Variants in ROBO2 observed in about 807,000 individuals in gnomAD.
ROBO2 encodes the protein roundabout homolog 2.
In ROBO2, 53 loss-of-function variants were observed where a neutral mutation model predicts 160.8. The observed-to-expected ratio is 0.33, with a 90% CI of 0.26 to 0.41. The LOEUF (loss-of-function observed/expected upper bound fraction) is 0.41. Ranked by LOEUF, ROBO2 falls within the 10% of genes least tolerant of loss-of-function variation. The pLI is 1.00. For synonymous variants in ROBO2, 664 were observed against 611.7 expected (o/e 1.09, Z -1.26); for missense variants, 1,577 against 1,722.4 (o/e 0.92, Z 1.49).
chr3:76,972,253 G>A (rs2059606363), intron 2 of ROBO2, among the ~76,000 whole-genome samples: 1 of 152,010 alleles, frequency 6.6e-6, no homozygotes, highest in South Asian at 2.1e-4. Flanking sequence ...AAAGGATTTT[G>A]TGTTTGGAAC....
intron 6 of ROBO2, among the ~76,000 whole-genome samples, chr3:77,529,155 A>G (rs749738838): frequency 3.3e-5 from 5 of 151,108 alleles, no homozygotes; most frequent in African/African-American, 7.3e-5. Context: ...AAGTGGAAAG[A>G]TTTATATATA....
At chr3:77,384,423 T>C (rs1490884164) in intron 2 of ROBO2, among the ~76,000 whole-genome samples, 2 of 152,176 alleles carry the variant, frequency 1.3e-5, no homozygotes, top group Non-Finnish European at 2.9e-5. Flanking sequence ...CAATGTTATT[T>C]ATCTTTAAAA....
chr3:76,335,564 T>G (rs1282505644), intron 2 of ROBO2, among the ~76,000 whole-genome samples: 1 of 151,218 alleles, frequency 6.6e-6, no homozygotes, highest in Non-Finnish European at 1.5e-5. Context: ...TATATTCCCA[T>G]CATCATCAAA....
chr3:76,425,070 C>G (rs1025063517), intron 2 of ROBO2, among the ~76,000 whole-genome samples: 1 of 152,144 alleles, frequency 6.6e-6, no homozygotes. Flanking sequence ...TAAATTCACT[C>G]TCATCCTTCT....
intron 4 of ROBO2, among the ~76,000 whole-genome samples, chr3:77,492,538 A>G (rs983659251): frequency 2.6e-5 from 4 of 152,206 alleles, no homozygotes; most frequent in African/African-American, 9.6e-5. Flanking sequence ...AATAAAAAAC[A>G]TAAAATTAAG....
At chr3:77,528,443 G>C (rs545376520) in intron 6 of ROBO2, among the ~76,000 whole-genome samples, 1 of 151,716 alleles carries the variant, frequency 6.6e-6, no homozygotes, top group African/African-American at 2.4e-5. Context: ...CCCTTCGGTT[G>C]AAAGAGTCAT....
At chr3:76,861,396 TA>T (rs775565483) in intron 2 of ROBO2, among the ~76,000 whole-genome samples, 4 of 152,154 alleles carry the variant, frequency 2.6e-5, no homozygotes, top group Non-Finnish European at 4.4e-5. Flanking sequence ...GCCTACCACA[TA>T]GTAATTCTTA....
chr3:76,180,475 A>G (rs1031927877), intron 2 of ROBO2, among the ~76,000 whole-genome samples: 2 of 152,100 alleles, frequency 1.3e-5, no homozygotes, highest in Admixed American at 6.6e-5. Flanking sequence ...TTCACCATCT[A>G]ATTAAATGGT....
intron 2 of ROBO2, among the ~76,000 whole-genome samples, chr3:77,347,525 C>T (rs1278029782): frequency 6.6e-6 from 1 of 151,966 alleles, no homozygotes; most frequent in Non-Finnish European, 1.5e-5. Context: ...CCCCTTATCT[C>T]TCCCTATCTA....
intron 2 of ROBO2, among the ~76,000 whole-genome samples, chr3:76,433,427 G>A (rs562684531): frequency 6.6e-6 from 1 of 152,122 alleles, no homozygotes; most frequent in Admixed American, 6.6e-5. Context: ...TTAACTGAGT[G>A]TCCAGTATTT....
chr3:76,059,127 T>A (rs1413872725), intron 2 of ROBO2, among the ~76,000 whole-genome samples: 2 of 151,952 alleles, frequency 1.3e-5, no homozygotes, highest in African/African-American at 4.8e-5. Context: ...CATGTGTCTT[T>A]ATGGCAGCAT....
At chr3:76,480,020 T>G (rs1031163280) in intron 2 of ROBO2, among the ~76,000 whole-genome samples, 1 of 128,942 alleles carries the variant, frequency 7.8e-6, no homozygotes, top group Non-Finnish European at 1.7e-5. Context: ...GTAGCTTTTT[T>G]AAATAGAAAA....
At chr3:76,597,459 A>G (rs755407603) in intron 2 of ROBO2, among the ~76,000 whole-genome samples, 1 of 152,164 alleles carries the variant, frequency 6.6e-6, no homozygotes, top group Non-Finnish European at 1.5e-5. Flanking sequence ...ATGAGCAGAC[A>G]TTTCATGGAA....
chr3:77,115,261 A>T (rs1246078135), intron 2 of ROBO2, among the ~76,000 whole-genome samples: 2 of 152,182 alleles, frequency 1.3e-5, no homozygotes, highest in African/African-American at 4.8e-5. Context: ...TAATTTAGAG[A>T]AATTTCAGAA....
At chr3:76,448,019 G>C (rs1383130874) in intron 2 of ROBO2, among the ~76,000 whole-genome samples, 1 of 151,386 alleles carries the variant, frequency 6.6e-6, no homozygotes, top group Non-Finnish European at 1.5e-5. Context: ...TTGTGTACAT[G>C]TACCCTAGAA....
chr3:76,114,545 A>T (rs2108255558), intron 2 of ROBO2, among the ~76,000 whole-genome samples: 1 of 152,272 alleles, frequency 6.6e-6, no homozygotes, highest in African/African-American at 2.4e-5. Flanking sequence ...TGTACTTTAC[A>T]GAAGGCCCTG....
chr3:77,459,902 T>A lies in ROBO2; in HGVS notation c.389-17512T>A, dbSNP rs1426932721. Among the ~76,000 whole-genome samples the A allele has an allele frequency of 2.1e-5, 3 of 143,766 alleles. No homozygotes were observed. The South Asian group carries it at 6.7e-4, about 32-fold the overall frequency. 94.3% of individuals were successfully genotyped at this position (143,766 alleles called of 152,430 possible). A position where few individuals can be genotyped will look rare whatever the true frequency, so the allele number is the denominator to read the frequency against. On this transcript the variant is annotated intron_variant, in intron 2 of 25. Coordinates refer to ENST00000461745, the Ensembl canonical transcript of ROBO2. ...ATCTCTTGAACCTTGTAGGCCAGGA[T>A]AAGGATTTTCACTTTTTTCTAAATG...
At chr3:76,881,833 G>A (rs1024706017) in intron 2 of ROBO2, among the ~76,000 whole-genome samples, 2 of 152,208 alleles carry the variant, frequency 1.3e-5, no homozygotes, top group Non-Finnish European at 2.9e-5. Context: ...GCCTGATGCT[G>A]TGATCAAACC....
intron 1 of ROBO2, among the ~76,000 whole-genome samples, chr3:77,062,505 G>A (rs2066423488): frequency 6.6e-6 from 1 of 152,160 alleles, no homozygotes; most frequent in Non-Finnish European, 1.5e-5. Context: ...TGTATAGGAA[G>A]AAGGAGTGAG....
Sources: gnomAD v4.1 joint callset for allele counts (sites outside exome capture counted in the v4.1 genomes callset) on GRCh38, gnomAD v4.1.1 for gene constraint, MANE v1.5 for transcripts, NCBI Gene and HGNC (gene_info 2026-07-23, HGNC 2026-07-21) for gene names.